The following PMEPA1 variants were observed in gnomAD, a reference collection of about 807,000 sequenced individuals.
PMEPA1 encodes protein TMEPAI.
Under a neutral mutation model 23.0 loss-of-function variants are expected in PMEPA1, and 11 were observed. The observed-to-expected ratio is 0.48, with a 90% CI of 0.30 to 0.79. The LOEUF (loss-of-function observed/expected upper bound fraction) is 0.79. Among genes scored for constraint, PMEPA1 ranks in the 30% least tolerant of loss-of-function variants. The probability of loss-of-function intolerance (pLI) is 0.06; values close to 1 mark genes in which losing one functional copy is unlikely to be tolerated. For missense variants in PMEPA1, 377 were observed against 390.9 expected (o/e 0.96, Z 0.30); for synonymous variants, 204 against 166.4 (o/e 1.23, Z -1.74).
rs1467297967 is a variant in PMEPA1, at chr20:57,652,251, G to T, written c.666C>A (p.Gly222=). 1.2e-6 allele frequency: 2 copies of T among 1,607,518 alleles called. No individual in the cohort carries two copies. Among genetic ancestry groups the T allele is most frequent in the Non-Finnish European group, 1.7e-6 (2 of 1,179,330 alleles). ...SGISATCYGS[G]GRMEGPPPTY... is the part of the protein sequence containing the mutation. ...TGGGCGGCGGCCCCTCCATGCGCCC[G>T]CCGCTGCCGTAGCACGTGGCGCTGA... The change falls in exon 4 of 4, where the codon GGC becomes GGA. Residue 222 remains glycine, a synonymous_variant. Transcript: ENST00000341744. This position sits in a 1 kb window ranked among gnomAD's most constrained non-coding sequence, Gnocchi z 6.1.
intron 1 of PMEPA1, among the ~76,000 whole-genome samples, chr20:57,701,187 A>G (rs2072006106): frequency 6.6e-6 from 1 of 152,178 alleles, no homozygotes; most frequent in South Asian, 2.1e-4. Context: ...AACAACAGGT[A>G]CATATTAGAA....
chr20:57,659,515 G>T, intron 2 of PMEPA1, 28 bp downstream of exon 2: 1 of 1,608,232 alleles, frequency 6.2e-7, no homozygotes, highest in Non-Finnish European at 8.5e-7. Context: ...GCACCCTCAG[G>T]CCACAGATGG....
At position 57,656,711 on chromosome 20, in the gene PMEPA1, G is replaced by T. The variant is rs2071331485; in HGVS notation, c.264+2832C>A. ...CCGAGAAAAGACCTCAGAGCTCAGG[G>T]TCTTACCTGAGATGGTGAGGCAGGT... On this transcript the variant is annotated intron_variant, in intron 2 of 3. Transcript: ENST00000341744. This position sits in a 1 kb window ranked among gnomAD's most constrained non-coding sequence, Gnocchi z 4.7. Among the ~76,000 whole-genome samples the T allele has an allele frequency of 6.6e-6, 1 of 152,190 alleles. No individual in the cohort carries two copies. Among genetic ancestry groups the T allele is most frequent in the African/African-American group, 2.4e-5 (1 of 41,454 alleles).
chr20:57,691,107 A>G (rs1443375034), intron 1 of PMEPA1, among the ~76,000 whole-genome samples: 1 of 152,180 alleles, frequency 6.6e-6, no homozygotes, highest in East Asian at 1.9e-4. Context: ...AGTCTGCCAC[A>G]CTAGGAGCTG....
At position 57,709,514 on chromosome 20, in the gene PMEPA1, C is replaced by T; in HGVS notation, c.69G>A (p.Thr23=). 8 of 1,137,438 alleles carry T rather than the reference C, an allele frequency of 7.0e-6. No homozygotes were observed. Among genetic ancestry groups the T allele is most frequent in the Non-Finnish European group, 8.8e-6 (8 of 905,838 alleles). The allele number at this position is 1,137,438 out of a possible 1,614,324, so 70.5% of individuals were successfully genotyped here. The stretch of plus-strand genomic sequence containing the variant: ...GGAACAAAGAGCGTTTGCAGTTGCA[C>T]GTGCAGGAGACATTGGGCTGCCCGG... ...AAAGQPNVSC[T]CNCKRSLFQS... Residue 23 remains threonine, a synonymous_variant, in exon 1 of 4, where the codon ACG becomes ACA. Coordinates refer to ENST00000341744, the MANE Select transcript of PMEPA1 (RefSeq NM_020182.5).
chr20:57,675,523 G>A (rs1423487160), intron 1 of PMEPA1, among the ~76,000 whole-genome samples: 1 of 152,042 alleles, frequency 6.6e-6, no homozygotes, highest in Non-Finnish European at 1.5e-5. Flanking sequence ...GGGCTCAGAG[G>A]CCCAGGAAGA....
Position 57,652,305 on chromosome 20 carries a change from G to A in PMEPA1, c.612C>T (p.Gly204=), listed in dbSNP as rs1490885378. The change falls in exon 4 of 4, where the codon GGC becomes GGT. Residue 204 remains glycine (G), a synonymous_variant. Coordinates refer to ENST00000341744, the MANE Select transcript of PMEPA1 (RefSeq NM_020182.5). This position sits in a 1 kb window ranked among gnomAD's most constrained non-coding sequence, Gnocchi z 6.1. ...SDLMDSARLG[G]PCPPSSNSGI... ...CCGAGTTACTGCTGGGGGGGCAGGGGCCGCCCAGCCTGGCACTATCCATCA... is the reference window on the plus strand; with the variant it reads ...CCGAGTTACTGCTGGGGGGGCAGGGACCGCCCAGCCTGGCACTATCCATCA... The A allele has an allele frequency of 6.2e-7, 1 of 1,610,720 alleles. No homozygotes were observed. Among genetic ancestry groups the A allele is most frequent in the Non-Finnish European group, 8.5e-7 (1 of 1,179,770 alleles).
chr20:57,696,178 G>A (rs2071941100), intron 1 of PMEPA1, among the ~76,000 whole-genome samples: 1 of 152,176 alleles, frequency 6.6e-6, no homozygotes, highest in African/African-American at 2.4e-5. Context: ...GGAGGAAGGA[G>A]CAGAGGCCCC....
intron 2 of PMEPA1, among the ~76,000 whole-genome samples, chr20:57,659,305 C>T (rs964422875): frequency 2.6e-5 from 4 of 152,200 alleles, no homozygotes; most frequent in Non-Finnish European, 4.4e-5. Context: ...ATCACGAAGC[C>T]TCTTCCCAGC....
At chr20:57,684,038 G>A (rs762615680) in intron 1 of PMEPA1, among the ~76,000 whole-genome samples, 3 of 152,242 alleles carry the variant, frequency 2.0e-5, no homozygotes, top group Non-Finnish European at 2.9e-5. Flanking sequence ...CCGCAACACC[G>A]CAGTCAAGTA....
At chr20:57,694,226 G>A (rs1388812143) in intron 1 of PMEPA1, among the ~76,000 whole-genome samples, 3 of 152,190 alleles carry the variant, frequency 2.0e-5, no homozygotes, top group Admixed American at 6.5e-5. Context: ...AAAGGCCCAC[G>A]AGGGACTTGG....
chr20:57,652,167 AC>A lies in PMEPA1; in HGVS notation c.749del (p.Ser250MetfsTer20). 6.2e-7 allele frequency: 1 copy of A among 1,607,434 alleles called. No homozygotes were observed. The highest frequency in any genetic ancestry group is 8.5e-7 in the Non-Finnish European group (1 of 1,177,376). The stretch of plus-strand genomic sequence containing the variant: ...TCCCCTCCAGCAAGGAGGGCGGCCC[AC>A]TGCTCTGCTGGTGCTGGAAGGAGGA... ...PGSSFQHQQS[S>X]GPPSLLEGTR... On this transcript the variant is annotated frameshift_variant, in exon 4 of 4. Coordinates refer to ENST00000341744, the MANE Select transcript of PMEPA1 (RefSeq NM_020182.5). LOFTEE classifies it high-confidence loss of function. The surrounding 1 kb of genome is among the most constrained non-coding windows in gnomAD (Gnocchi z 6.1).
rs2146632338 is a variant in PMEPA1, at chr20:57,651,923, A to G, written c.*130T>C. On this transcript the variant is annotated 3_prime_UTR_variant, in exon 4 of 4. Coordinates refer to ENST00000341744, the MANE Select transcript of PMEPA1 (RefSeq NM_020182.5). ...ACATCACATGTAAATATTTATACAC[A>G]GGGAGGTGGGAGGGGAGGGCCACAC... 1.6e-6 allele frequency: 1 copy of G among 608,614 alleles called. No individual in the cohort carries two copies. Among genetic ancestry groups the G allele is most frequent in the South Asian group, 2.7e-5 (1 of 36,600 alleles). 37.7% of individuals were successfully genotyped at this position (608,614 alleles called of 1,614,324 possible). A position where few individuals can be genotyped will look rare whatever the true frequency, so the allele number is the denominator to read the frequency against.
intron 1 of PMEPA1, among the ~76,000 whole-genome samples, chr20:57,679,428 C>A (rs1006966665): frequency 6.6e-6 from 1 of 152,194 alleles, no homozygotes; most frequent in African/African-American, 2.4e-5. Context: ...GAACTTGAAA[C>A]GATTCAGGTA....
chr20:57,656,646 A>G lies in PMEPA1; in HGVS notation c.264+2897T>C, dbSNP rs2071330749. Among the ~76,000 whole-genome samples the G allele has an allele frequency of 6.6e-6, 1 of 152,194 alleles. No homozygotes were observed. Among genetic ancestry groups the G allele is most frequent in the Non-Finnish European group, 1.5e-5 (1 of 68,026 alleles). On this transcript the variant is annotated intron_variant, in intron 2 of 3. Transcript: ENST00000341744. The surrounding 1 kb of genome is among the most constrained non-coding windows in gnomAD (Gnocchi z 4.7). Reference sequence around the variant, plus strand: ...CACTGGAGCCTCACCCTCAGAGGGCAGATCCTTGCCCAGTGTCACACAACA... The same window carrying G: ...CACTGGAGCCTCACCCTCAGAGGGCGGATCCTTGCCCAGTGTCACACAACA...
At position 57,652,036 on chromosome 20, in the gene PMEPA1, C is replaced by T. The variant is rs1361365258; in HGVS notation, c.*17G>A. ...CCTTTTCACCTACGCAGCCCCAGCC[C>T]GGCCCCCCTGGGGACCCTAGAGAGG... is the stretch of plus-strand genomic sequence containing the variant. On this transcript the variant is annotated 3_prime_UTR_variant, in exon 4 of 4. Transcript: ENST00000341744. The surrounding 1 kb of genome is among the most constrained non-coding windows in gnomAD (Gnocchi z 6.1). The T allele has an allele frequency of 1.4e-6, 2 of 1,458,180 alleles. No individual in the cohort carries two copies. The highest frequency in any genetic ancestry group is 2.7e-5 in the Admixed American group (1 of 36,432). The allele number at this position is 1,458,180 out of a possible 1,614,324, so 90.3% of individuals were successfully genotyped here.
At chr20:57,695,873 G>A (rs1048765460) in intron 1 of PMEPA1, among the ~76,000 whole-genome samples, 1 of 152,184 alleles carries the variant, frequency 6.6e-6, no homozygotes, top group Non-Finnish European at 1.5e-5. Flanking sequence ...CAGAGGTAGT[G>A]GGTCTGGGGT....
rs896338303 is a variant in PMEPA1, at chr20:57,655,713, TC to T, written c.265-2628del. On this transcript the variant is annotated intron_variant, in intron 2 of 3. Transcript: ENST00000341744. The surrounding 1 kb of genome is among the most constrained non-coding windows in gnomAD (Gnocchi z 4.2). Reference sequence around the variant, plus strand: ...CAGCAGCCTCCAACCACTCCCAGACTCCCAGGGCTCGGGGTGGACTCCTCTT... The same window carrying T: ...CAGCAGCCTCCAACCACTCCCAGACTCCAGGGCTCGGGGTGGACTCCTCTT... Among the ~76,000 whole-genome samples the T allele has an allele frequency of 2.0e-5, 3 of 152,276 alleles. No individual in the cohort carries two copies. The highest frequency in any genetic ancestry group is 3.9e-4 in the East Asian group (2 of 5,184).
At chr20:57,710,146 G>C (rs2072153951), upstream of PMEPA1, 2 of 699,318 alleles carry the variant, frequency 2.9e-6, no homozygotes, top group Non-Finnish European at 3.8e-6. Context: ...GGGAAACGGG[G>C]CGGGCTCTTA....
Sources: allele counts gnomAD v4.1 joint callset (sites outside exome capture counted in the v4.1 genomes callset), GRCh38; gene constraint gnomAD v4.1.1; non-coding constraint Gnocchi (gnomAD v3.1); transcripts MANE v1.5; gene names NCBI Gene and HGNC (gene_info 2026-07-23, HGNC 2026-07-21).